DGKH: variants seen among roughly 807,000 people sequenced by gnomAD.
DGKH encodes the protein diacylglycerol kinase eta, also known as DAG kinase eta.
A neutral mutation model predicts 159.3 loss-of-function variants in DGKH; 90 were observed. The observed-to-expected ratio is 0.57, with a 90% confidence interval of 0.48 to 0.67. The LOEUF is 0.67. DGKH is among the 30% of genes least tolerant of loss of function. DGKH has a pLI of 0.00. For missense variants in DGKH, 1,181 were observed against 1,506.1 expected (o/e 0.78, Z 3.57); for synonymous variants, 536 against 553.8 (o/e 0.97, Z 0.45).
chr13:42,107,302 G>A (rs773341257), intron 1 of DGKH, among the ~76,000 whole-genome samples: 20 of 152,340 alleles, frequency 1.3e-4, no homozygotes, highest in Non-Finnish European at 2.8e-4. Context: ...AGGAAGATGA[G>A]TGTTTTGTTT....
intron 1 of DGKH, among the ~76,000 whole-genome samples, chr13:42,111,033 T>C (rs1233433747): frequency 2.6e-5 from 4 of 152,092 alleles, no homozygotes; most frequent in African/African-American, 9.7e-5. Flanking sequence ...CTGCACATCC[T>C]GCACATGCAC....
intron 13 of DGKH, chr13:42,181,476 A>G (rs1041228446): frequency 1.3e-4 from 22 of 165,640 alleles, no homozygotes; most frequent in Non-Finnish European, 2.0e-4. Flanking sequence ...AGGCCAGTCC[A>G]TGTGCACGTC....
At chr13:42,050,383 G>A (rs144657559) in intron 1 of DGKH, among the ~76,000 whole-genome samples, 1 of 152,250 alleles carries the variant, frequency 6.6e-6, no homozygotes, top group Non-Finnish European at 1.5e-5. Context: ...AATGTTTGTA[G>A]TAGCCTGCCT....
chr13:42,111,658 TAG>T lies in DGKH; in HGVS notation c.193-15802_193-15801del, dbSNP rs561701508. Among the ~76,000 whole-genome samples the T allele has an allele frequency of 2.9e-3, 446 of 152,334 alleles. 2 individuals are homozygous for T. The highest frequency in any genetic ancestry group is 9.7e-3 in the African/African-American group (404 of 41,578). ...ATTTAAATGTAAATGTCCCAAATAT[TAG>T]AGTTTATAGTATTTCAAACAAAATA... On this transcript the variant is annotated intron_variant, in intron 1 of 29. Coordinates refer to ENST00000337343, the MANE Select transcript of DGKH (RefSeq NM_178009.5).
At chr13:42,253,965 G>C (rs1200546187) in intron 30 of DGKH, among the ~76,000 whole-genome samples, 1 of 150,736 alleles carries the variant, frequency 6.6e-6, no homozygotes, top group African/African-American at 2.4e-5. Context: ...TGTTCACATA[G>C]GCAGCCTCAA....
intron 1 of DGKH, among the ~76,000 whole-genome samples, chr13:42,074,684 AT>A (rs1883190799): frequency 6.6e-6 from 1 of 151,704 alleles, no homozygotes; most frequent in African/African-American, 2.4e-5. Flanking sequence ...CCATCCATCC[AT>A]CCATGCATCC....
intron 1 of DGKH, among the ~76,000 whole-genome samples, chr13:42,104,742 G>A (rs1428600810): frequency 1.3e-5 from 2 of 152,112 alleles, no homozygotes; most frequent in Non-Finnish European, 2.9e-5. Flanking sequence ...ATTTCTCTCT[G>A]CTCTGCATAG....
chr13:42,053,958 A>C (rs758930354), intron 1 of DGKH, among the ~76,000 whole-genome samples: 1 of 152,222 alleles, frequency 6.6e-6, no homozygotes, highest in Non-Finnish European at 1.5e-5. Context: ...GATAATGATC[A>C]CATTCTTCAA....
At chr13:42,249,757 A>G (rs1958607284) in intron 29 of DGKH, among the ~76,000 whole-genome samples, 1 of 152,342 alleles carries the variant, frequency 6.6e-6, no homozygotes, top group South Asian at 2.1e-4. Flanking sequence ...ACAGTTTCCA[A>G]TGATTAGCTG....
intron 20 of DGKH, among the ~76,000 whole-genome samples, chr13:42,205,443 A>G (rs1957441318): frequency 6.6e-6 from 1 of 152,196 alleles, no homozygotes; most frequent in Non-Finnish European, 1.5e-5. Flanking sequence ...TTCACCAGCC[A>G]TATCCTTTTT....
In DGKH at chr13:42,207,158, C is replaced by T. The variant is rs866806585; in HGVS notation, c.2601+1012C>T. Reference sequence around the variant, plus strand: ...CCTTCCTTCCTTCCTTCCTTCCTTCCTTCCTTCCTTCCTTCCTTCCTTCCT... The same window carrying T: ...CCTTCCTTCCTTCCTTCCTTCCTTCTTTCCTTCCTTCCTTCCTTCCTTCCT... On this transcript the variant is annotated intron_variant, in intron 21 of 29. Coordinates refer to ENST00000337343, the MANE Select transcript of DGKH (RefSeq NM_178009.5). Among the ~76,000 whole-genome samples, 338 of 67,790 alleles carry T rather than the reference C, an allele frequency of 5.0e-3. 21 individuals carry two copies. Among genetic ancestry groups the T allele is most frequent in the East Asian group, 7.3e-3 (14 of 1,920 alleles). 44.5% of individuals were successfully genotyped at this position (67,790 alleles called of 152,430 possible).
At chr13:42,104,769 G>T (rs1594032997) in intron 1 of DGKH, among the ~76,000 whole-genome samples, 1 of 152,124 alleles carries the variant, frequency 6.6e-6, no homozygotes, top group South Asian at 2.1e-4. Context: ...TCTATCTGGA[G>T]ACCTGACTTA....
intron 1 of DGKH, among the ~76,000 whole-genome samples, chr13:42,120,923 G>A (rs1955055702): frequency 6.6e-6 from 1 of 152,122 alleles, no homozygotes; most frequent in Admixed American, 6.6e-5. Context: ...ATGAACCACT[G>A]TCACAGAGGT....
At chr13:42,050,293 C>G (rs1340241938) in intron 1 of DGKH, among the ~76,000 whole-genome samples, 2 of 152,188 alleles carry the variant, frequency 1.3e-5, no homozygotes, top group East Asian at 3.8e-4. Flanking sequence ...ATCGTTTGAA[C>G]CCGGGAGGCG....
Position 42,107,235 on chromosome 13 carries a change from C to A in DGKH, c.193-20228C>A, listed in dbSNP as rs76464766. Reference sequence around the variant, plus strand: ...GAGTCACGAGAGGAAAGGTCCAGGGCGGGGGTGTGCATTCTGCACCTGCAG... The same window carrying A: ...GAGTCACGAGAGGAAAGGTCCAGGGAGGGGGTGTGCATTCTGCACCTGCAG... On this transcript the variant is annotated intron_variant, in intron 1 of 29. Transcript: ENST00000337343. Among the ~76,000 whole-genome samples, 1,079 of 152,280 alleles carry A rather than the reference C, an allele frequency of 7.1e-3. 10 individuals carry two copies. Among genetic ancestry groups the A allele is most frequent in the African/African-American group, 0.025 (1,032 of 41,566 alleles).
At chr13:42,149,632 A>G (rs1337155339) in intron 3 of DGKH, among the ~76,000 whole-genome samples, 2 of 152,234 alleles carry the variant, frequency 1.3e-5, no homozygotes, top group African/African-American at 4.8e-5. Context: ...CTTTGCTCAC[A>G]ACCTTATAGC....
In DGKH at chr13:42,221,298, G is replaced by A; in HGVS notation, c.3477G>A (p.Trp1159Ter). The A allele has an allele frequency of 6.2e-7, 1 of 1,613,678 alleles. No individual in the cohort carries two copies. The highest frequency in any genetic ancestry group is 2.2e-5 in the East Asian group (1 of 44,872). The change falls in exon 29 of 30, where the codon TGG (tryptophan) becomes TGA (stop). Residue 1159 changes from tryptophan (W) to a stop codon, truncating the protein, a stop_gained. Coordinates refer to ENST00000337343, the MANE Select transcript of DGKH (RefSeq NM_178009.5). LOFTEE classifies it high-confidence loss of function. ...QKWGTEEVAAWLDLLNLGEYK... is the reference protein window; with the variant it reads ...QKWGTEEVAA Reference sequence around the variant, plus strand: ...GGGGCACAGAGGAAGTTGCTGCTTGGCTGGATCTGCTCAATTTGGGAGAGT... The same window carrying A: ...GGGGCACAGAGGAAGTTGCTGCTTGACTGGATCTGCTCAATTTGGGAGAGT...
chr13:42,254,007 A>G (rs1958639097), intron 30 of DGKH, among the ~76,000 whole-genome samples: 1 of 151,884 alleles, frequency 6.6e-6, no homozygotes, highest in Non-Finnish European at 1.5e-5. Context: ...AAAAAAAAAA[A>G]AAGTATATTA....
At position 42,166,687 on chromosome 13, in the gene DGKH, T is replaced by C. The variant is rs201857927; in HGVS notation, c.1118+13T>C. ...GTCCTCATTTAGGGTAACTGATTAT[T>C]GATAAATCTTATTTGAATACAATGT... On this transcript the variant is annotated intron_variant, in intron 9 of 29. Transcript: ENST00000337343. 128 of 1,563,422 alleles carry C rather than the reference T, an allele frequency of 8.2e-5. 1 individual carries two copies. The highest frequency in any genetic ancestry group is 1.2e-5 in the Non-Finnish European group (14 of 1,157,726).
Sources: gnomAD v4.1 joint callset for allele counts (sites outside exome capture counted in the v4.1 genomes callset) on GRCh38, gnomAD v4.1.1 for gene constraint, MANE v1.5 for transcripts, NCBI Gene and HGNC (gene_info 2026-07-23, HGNC 2026-07-21) for gene names.